Variants in PSIP1 observed in about 807,000 individuals in gnomAD.
PSIP1 encodes the protein PC4 and SFRS1-interacting protein.
PSIP1 carries 19 observed loss-of-function variants against 74.7 expected under a neutral mutation model. That is an observed-to-expected ratio of 0.25 (90% CI 0.18 to 0.37). The LOEUF is 0.37. Ranked by LOEUF, PSIP1 falls within the 10% of genes least tolerant of loss-of-function variation. The pLI is 1.00. For synonymous variants in PSIP1, 222 were observed against 195.3 expected (o/e 1.14, Z -1.14); for missense variants, 601 against 614.3 (o/e 0.98, Z 0.23).
chr9:15,506,522 A>G, intron 3 of PSIP1, 39 bp downstream of exon 3: 2 of 1,426,070 alleles, frequency 1.4e-6, no homozygotes, highest in Non-Finnish European at 2.0e-6. Context: ...AACCCTGTTA[A>G]ATTAGCTCTG....
chr9:15,500,607 T>C (rs138400129), intron 3 of PSIP1, among the ~76,000 whole-genome samples: 37 of 152,256 alleles, frequency 2.4e-4, no homozygotes, highest in African/African-American at 8.2e-4. Context: ...AAAAATCCTA[T>C]CCTAAGATTC....
At chr9:15,490,392 T>C (rs2036769802) in intron 3 of PSIP1, among the ~76,000 whole-genome samples, 1 of 152,130 alleles carries the variant, frequency 6.6e-6, no homozygotes, top group Non-Finnish European at 1.5e-5. Flanking sequence ...CACTTAAAAA[T>C]GGTTACATCG....
chr9:15,495,698 T>C (rs1016529181), intron 3 of PSIP1, among the ~76,000 whole-genome samples: 3 of 152,228 alleles, frequency 2.0e-5, no homozygotes, highest in Non-Finnish European at 4.4e-5. Flanking sequence ...ATTCCAATAT[T>C]TTATCCTTCA....
chr9:15,503,643 G>A (rs902063851), intron 3 of PSIP1, among the ~76,000 whole-genome samples: 10 of 151,192 alleles, frequency 6.6e-5, no homozygotes, highest in African/African-American at 2.2e-4. Flanking sequence ...CTGGGCCATG[G>A]AATGAGACTC....
rs868140236 is a variant in PSIP1 at position 15,488,918 on chromosome 9, G to A, written c.288+1068C>T. 7.9e-5 allele frequency among the ~76,000 whole-genome samples: 12 copies of A among 152,296 alleles called. No individual in the cohort carries two copies. The South Asian group carries it at 2.5e-3, about 32-fold the overall frequency. ...CACCTGTAGTCCCAGCTACTCGGAA[G>A]GCTGAGGCAGGAGAATGGTGTGAAC... On this transcript the variant is annotated intron_variant, in intron 4 of 15. Coordinates refer to ENST00000380733, the MANE Select transcript of PSIP1 (RefSeq NM_033222.5).
At chr9:15,469,199 A>C (rs1057316426) in intron 12 of PSIP1, 67 bp downstream of exon 12, 53 of 1,320,710 alleles carry the variant, frequency 4.0e-5, no homozygotes, top group Admixed American at 1.7e-4. Context: ...TCATAAGATC[A>C]TGTGAGAAAA....
At chr9:15,494,594 T>TAC (rs772828753) in intron 3 of PSIP1, among the ~76,000 whole-genome samples, 1,865 of 71,726 alleles carry the variant, frequency 0.026, 61 homozygotes, top group African/African-American at 0.086. Flanking sequence ...AAAAAAAAAA[T>TAC]ACACACACAC....
chr9:15,474,362 TC>T, intron 8 of PSIP1, 125 bp from the exon 9 acceptor site: 1 of 763,478 alleles, frequency 1.3e-6, no homozygotes, highest in Non-Finnish European at 2.0e-6. Flanking sequence ...GTCTTCACTA[TC>T]CAATCATAAA....
At chr9:15,471,304 G>T in intron 10 of PSIP1, 1 of 1,568,906 alleles carries the variant, frequency 6.4e-7, no homozygotes, top group South Asian at 1.1e-5. Flanking sequence ...ATGCTTTACA[G>T]AGCAAAACTG....
At position 15,486,084 on chromosome 9, in the gene PSIP1, G is replaced by T. The variant is rs759053981; in HGVS notation, c.394-16C>A. 1 of 1,568,052 alleles carries T rather than the reference G, an allele frequency of 6.4e-7. No homozygotes were observed. The highest frequency in any genetic ancestry group is 8.7e-7 in the Non-Finnish European group (1 of 1,147,288). On this transcript the variant is annotated splice_polypyrimidine_tract_variant and intron_variant, in intron 5 of 15. Coordinates refer to ENST00000380733, the MANE Select transcript of PSIP1 (RefSeq NM_033222.5). Reference sequence around the variant, plus strand: ...TAGTCACATCCTAAAAAAGAAAAAAGAAAACTGAATACTGAATAAATTATT... The same window carrying T: ...TAGTCACATCCTAAAAAAGAAAAAATAAAACTGAATACTGAATAAATTATT...
intron 10 of PSIP1, chr9:15,471,596 A>C (rs1387181138): frequency 2.1e-6 from 2 of 948,308 alleles, no homozygotes; most frequent in Non-Finnish European, 2.5e-6. Context: ...TATTTACAGA[A>C]GTGCTTAAAG....
Position 15,501,170 on chromosome 9 carries a change from C to G in PSIP1, c.149+5391G>C, listed in dbSNP as rs566540777. ...GGTTATATAGCAGGTAAATGGCAGT[C>G]AGTATTCAAAAACAAACTTCTGATC... On this transcript the variant is annotated intron_variant, in intron 3 of 15. Transcript: ENST00000380733. Among the ~76,000 whole-genome samples, 176 of 151,992 alleles carry G rather than the reference C, an allele frequency of 1.2e-3. No individual in the cohort carries two copies. The Middle Eastern group carries it at 0.014, about 12-fold the overall frequency.
intron 1 of PSIP1, 45 bp from the exon 2 acceptor site, chr9:15,510,374 G>C (rs944172152): frequency 1.1e-5 from 4 of 372,658 alleles, no homozygotes; most frequent in Non-Finnish European, 1.5e-5. Context: ...ACCCCGAAGG[G>C]AGGGGCCGCA....
rs758206880 is a variant in PSIP1, at chr9:15,469,968, GCTT to G, written c.1000_1002del (p.Lys334del). ...TTCTTCTCCACTTTCTTAACTTCTG[GCTT>G]CTTTCCTTCATCTTTATTCTGCCTA... is the stretch of plus-strand genomic sequence containing the variant. On this transcript the variant is annotated inframe_deletion, in exon 11 of 16. Coordinates refer to ENST00000380733, the MANE Select transcript of PSIP1 (RefSeq NM_033222.5). 6.2e-7 allele frequency: 1 copy of G among 1,607,446 alleles called. No individual in the cohort carries two copies. The highest frequency in any genetic ancestry group is 1.1e-5 in the South Asian group (1 of 90,962).
intron 3 of PSIP1, among the ~76,000 whole-genome samples, chr9:15,502,760 T>C (rs1004697927): frequency 1.3e-5 from 2 of 152,198 alleles, no homozygotes; most frequent in African/African-American, 4.8e-5. Context: ...TCAGTAAGAA[T>C]TGAGTCTATG....
At chr9:15,499,894 G>T (rs953619281) in intron 3 of PSIP1, among the ~76,000 whole-genome samples, 1 of 145,520 alleles carries the variant, frequency 6.9e-6, no homozygotes, top group Non-Finnish European at 1.5e-5. Flanking sequence ...AAAAAAAACC[G>T]AAGTCACATA....
At chr9:15,470,029 G>T (rs764309115) in intron 10 of PSIP1, 36 bp from the exon 11 acceptor site, 2 of 1,532,578 alleles carry the variant, frequency 1.3e-6, no homozygotes, top group East Asian at 2.3e-5. Flanking sequence ...CAACACATTG[G>T]AATTTTGTGA....
In PSIP1 at chr9:15,472,652, C is replaced by G; in HGVS notation, c.957G>C (p.Glu319Asp). The G allele has an allele frequency of 1.2e-6, 2 of 1,601,682 alleles. No individual in the cohort carries two copies. Among genetic ancestry groups the G allele is most frequent in the Non-Finnish European group, 1.7e-6 (2 of 1,176,998 alleles). ...KEAADRKRKQ[E>D]EQMETEQQNK... ...CTTACTGCTCAGTTTCCATTTGTTC[C>G]TCTTGCTTGCGTTTTCGATCTGCTG... The change falls in exon 10 of 16, where the codon GAG (glutamate) becomes GAC (aspartate). Residue 319 changes from glutamate to aspartate, a missense_variant. Glu to Asp is a conservative substitution (Grantham distance 45). Coordinates refer to ENST00000380733, the MANE Select transcript of PSIP1 (RefSeq NM_033222.5).
intron 4 of PSIP1, among the ~76,000 whole-genome samples, chr9:15,488,542 A>T (rs1377618986): frequency 1.3e-5 from 2 of 152,216 alleles, no homozygotes; most frequent in Non-Finnish European, 2.9e-5. Flanking sequence ...GTTTATTTTA[A>T]ATCGTAAGAG....
Sources: gnomAD v4.1 joint callset for allele counts (sites outside exome capture counted in the v4.1 genomes callset) on GRCh38, gnomAD v4.1.1 for gene constraint, MANE v1.5 for transcripts, NCBI Gene and HGNC (gene_info 2026-07-23, HGNC 2026-07-21) for gene names.